The following EXT2 variants were observed in gnomAD, a reference collection of about 807,000 sequenced individuals.
The protein encoded by EXT2 is exostosin glycosyltransferase 2, also known as exostosin-2.
Under a neutral mutation model 81.6 loss-of-function variants are expected in EXT2, and 53 were observed. The observed-to-expected ratio is 0.65, with a 90% CI of 0.52 to 0.82. The LOEUF (loss-of-function observed/expected upper bound fraction) is 0.82, where lower values mean the gene tolerates loss of function less well. Among genes scored for constraint, EXT2 ranks in the 40% least tolerant of loss-of-function variants. EXT2 has a pLI of 0.00. For synonymous variants in EXT2, 320 were observed against 340.0 expected, an observed-to-expected ratio of 0.94 and a Z score of 0.65; for missense variants, 774 against 910.2, an observed-to-expected ratio of 0.85 and a Z score of 1.93.
At chr11:44,154,356 A>G in intron 7 of EXT2, among the ~76,000 whole-genome samples, 1 of 151,898 alleles carries the variant, frequency 6.6e-6, no homozygotes, top group East Asian at 1.9e-4. Context: ...AGTTGTTTTA[A>G]TTTTTAGCTC....
At chr11:44,121,384 T>C (rs7935138) in intron 4 of EXT2, among the ~76,000 whole-genome samples, 40,896 of 152,120 alleles carry the variant, frequency 0.27, 6,492 homozygotes, top group Admixed American at 0.44. Flanking sequence ...TCTATCTATT[T>C]GTGCATATTG....
At chr11:44,117,105 GA>G (rs1213061264) in intron 4 of EXT2, among the ~76,000 whole-genome samples, 2 of 152,004 alleles carry the variant, frequency 1.3e-5, no homozygotes, top group African/African-American at 4.8e-5. Context: ...AAGTAGCTGG[GA>G]TTACAGGCGT....
At chr11:44,131,335 T>C (rs1322772931) in intron 7 of EXT2, among the ~76,000 whole-genome samples, 1 of 152,228 alleles carries the variant, frequency 6.6e-6, no homozygotes, top group African/African-American at 2.4e-5. Context: ...ACCCTCTTTA[T>C]TATGATAGTG....
intron 9 of EXT2, among the ~76,000 whole-genome samples, chr11:44,199,033 A>G (rs892480812): frequency 1.3e-5 from 2 of 152,118 alleles, no homozygotes; most frequent in African/African-American, 4.8e-5. Context: ...TTCTTTTTAG[A>G]TTTAGGGAGC....
chr11:44,114,140 A>G lies in EXT2; in HGVS notation c.627-45A>G, dbSNP rs757878925. ...TCCTCTCCACAGTGTGTATCAGAAT[A>G]AAGTCCTTTCTTTCTCATCGTTTAA... is the stretch of plus-strand genomic sequence containing the variant. On this transcript the variant is annotated intron_variant, in intron 3 of 13. Transcript: ENST00000533608. The G allele has an allele frequency of 8.6e-6, 13 of 1,512,280 alleles. No individual in the cohort carries two copies. In the South Asian group the frequency reaches 1.2e-4, roughly 14 times the overall value. The allele number at this position is 1,512,280 out of a possible 1,614,324, so 93.7% of individuals were successfully genotyped here. A position where few individuals can be genotyped will look rare whatever the true frequency, so the allele number is the denominator to read the frequency against.
At chr11:44,237,919 A>AAAC (rs1564989009) in intron 13 of EXT2, among the ~76,000 whole-genome samples, 9 of 141,902 alleles carry the variant, frequency 6.3e-5, no homozygotes, top group East Asian at 2.1e-4. Flanking sequence ...AAAAAAAAAA[A>AAAC]AAAAAAAAAA....
At chr11:44,216,034 G>C (rs1033707633) in intron 10 of EXT2, among the ~76,000 whole-genome samples, 2 of 151,898 alleles carry the variant, frequency 1.3e-5, no homozygotes, top group Admixed American at 1.3e-4. Context: ...CCGCCACCGC[G>C]CCCGGCTAAT....
At chr11:44,136,245 C>A (rs796272443) in intron 7 of EXT2, among the ~76,000 whole-genome samples, 1 of 152,176 alleles carries the variant, frequency 6.6e-6, no homozygotes, top group African/African-American at 2.4e-5. Context: ...TTTCCCACCC[C>A]CAGTGTACAC....
intron 9 of EXT2, among the ~76,000 whole-genome samples, chr11:44,199,817 A>G (rs912065724): frequency 1.3e-5 from 2 of 152,190 alleles, no homozygotes; most frequent in Non-Finnish European, 1.5e-5. Context: ...TTCAGTTTTA[A>G]TTTTTGGTAA....
intron 1 of EXT2, among the ~76,000 whole-genome samples, chr11:44,100,281 A>G (rs1953962934): frequency 6.6e-6 from 1 of 152,222 alleles, no homozygotes; most frequent in Admixed American, 6.5e-5. Context: ...CGTTGGTACT[A>G]GAAGTGGCTC....
rs541927891 is a variant in EXT2, at chr11:44,138,226, C to T, written c.1173+8088C>T. On this transcript the variant is annotated intron_variant, in intron 7 of 13. Coordinates refer to ENST00000533608, the MANE Select transcript of EXT2 (RefSeq NM_207122.2). The stretch of plus-strand genomic sequence containing the variant: ...GAAGGGAAGGACGGTAACTAACAAG[C>T]GGAAGGTAATGAAAAGATTTGTGAG... Among the ~76,000 whole-genome samples the T allele has an allele frequency of 4.6e-5, 7 of 152,016 alleles. 1 individual carries two copies. Among genetic ancestry groups the T allele is most frequent in the African/African-American group, 1.4e-4 (6 of 41,442 alleles).
intron 8 of EXT2, among the ~76,000 whole-genome samples, chr11:44,183,355 T>C (rs964905879): frequency 1.3e-5 from 2 of 152,232 alleles, no homozygotes; most frequent in Admixed American, 6.5e-5. Context: ...TCAGTTGTTA[T>C]AGTGGTTGCC....
chr11:44,169,425 A>G (rs1280069373), intron 7 of EXT2, among the ~76,000 whole-genome samples: 1 of 152,076 alleles, frequency 6.6e-6, no homozygotes, highest in Non-Finnish European at 1.5e-5. Flanking sequence ...TCAAACAATA[A>G]CAAAAGACTA....
At position 44,249,122 on chromosome 11, in the gene EXT2, A is replaced by G. The variant is rs1029937280; in HGVS notation, c.*4835A>G. 2.0e-5 allele frequency among the ~76,000 whole-genome samples: 3 copies of G among 152,094 alleles called. No individual in the cohort carries two copies. Among genetic ancestry groups the G allele is most frequent in the Non-Finnish European group, 4.4e-5 (3 of 67,958 alleles). The stretch of plus-strand genomic sequence containing the variant: ...AGCAGTCTTCCCATCTCAGCCTTCC[A>G]AGTAGCTGAGACTAAAAGCGTGCAC... On this transcript the variant is annotated 3_prime_UTR_variant, in exon 14 of 14. Coordinates refer to ENST00000533608, the MANE Select transcript of EXT2 (RefSeq NM_207122.2).
At chr11:44,212,901 G>A (rs899566014) in intron 10 of EXT2, among the ~76,000 whole-genome samples, 2 of 152,108 alleles carry the variant, frequency 1.3e-5, no homozygotes, top group Non-Finnish European at 2.9e-5. Flanking sequence ...TGGGGGATGG[G>A]ATTGACCACA....
chr11:44,113,400 G>T (rs778598133), intron 3 of EXT2, among the ~76,000 whole-genome samples: 8 of 152,186 alleles, frequency 5.3e-5, no homozygotes, highest in Non-Finnish European at 1.0e-4. Context: ...AACAGTAAAA[G>T]TTGGTGTGAT....
At chr11:44,116,488 GT>G (rs1954222441) in intron 4 of EXT2, 1 of 152,176 alleles carries the variant, frequency 6.6e-6, no homozygotes, top group Non-Finnish European at 1.5e-5. Context: ...TTGTATACAA[GT>G]TTGTATGTAA....
chr11:44,188,795 T>C (rs1050434681), intron 8 of EXT2, among the ~76,000 whole-genome samples: 3 of 151,976 alleles, frequency 2.0e-5, no homozygotes, highest in Non-Finnish European at 4.4e-5. Flanking sequence ...TGAAGTAATA[T>C]AGAGAACAGA....
chr11:44,148,094 G>A (rs1450713855), intron 7 of EXT2, among the ~76,000 whole-genome samples: 2 of 152,098 alleles, frequency 1.3e-5, no homozygotes, highest in Non-Finnish European at 2.9e-5. Context: ...AGCTTTAAAT[G>A]TCTCCATTTC....
Sources: gnomAD v4.1 joint callset for allele counts (sites outside exome capture counted in the v4.1 genomes callset) on GRCh38, gnomAD v4.1.1 for gene constraint, MANE v1.5 for transcripts, NCBI Gene and HGNC (gene_info 2026-07-23, HGNC 2026-07-21) for gene names.